The following PIK3R3 variants were observed in gnomAD, a reference collection of about 807,000 sequenced individuals.
The protein encoded by PIK3R3 is phosphatidylinositol 3-kinase regulatory subunit gamma.
PIK3R3 carries 64 observed loss-of-function variants against 62.9 expected under a neutral mutation model. The observed-to-expected ratio is 1.02, with a 90% CI of 0.83 to 1.25. The LOEUF (loss-of-function observed/expected upper bound fraction) is 1.25, where lower values mean the gene tolerates loss of function less well. Ranked by LOEUF, PIK3R3 falls within the 50% of genes most tolerant of loss-of-function variation. The pLI, the probability that PIK3R3 is intolerant of heterozygous loss-of-function variation, is 0.00. For missense variants in PIK3R3, 614 were observed against 561.6 expected (o/e 1.09, Z -0.94); for synonymous variants, 165 against 189.0 (o/e 0.87, Z 1.04).
intron 2 of PIK3R3, among the ~76,000 whole-genome samples, chr1:46,080,383 ACAATTAGTAGAG>A (rs2149413724): frequency 6.6e-6 from 1 of 151,194 alleles, no homozygotes; most frequent in African/African-American, 2.4e-5. Context: ...TCTTTAAATA[ACAATTAGTAGAG>A]CATTACAATG....
the PIK3R3 span, among the ~76,000 whole-genome samples, chr1:46,169,413 A>G: frequency 6.6e-6 from 1 of 152,168 alleles, no homozygotes; most frequent in South Asian, 2.1e-4. Context: ...TTTATTCCCT[A>G]TTCCCTGCAT....
chr1:46,105,113 G>A, intron 1 of PIK3R3: 1 of 721,946 alleles, frequency 1.4e-6, no homozygotes, highest in Non-Finnish European at 2.5e-6. Context: ...AACTCAAATT[G>A]GAATAGAATG....
At chr1:46,094,874 T>C (rs1301508090) in intron 1 of PIK3R3, among the ~76,000 whole-genome samples, 1 of 152,194 alleles carries the variant, frequency 6.6e-6, no homozygotes, top group Non-Finnish European at 1.5e-5. Flanking sequence ...TTACTGACGT[T>C]GAGAGAGAAA....
rs139198905 is a variant in PIK3R3, at chr1:46,101,437, G to A, written c.107-20687C>T. 7.6e-3 allele frequency among the ~76,000 whole-genome samples: 1,151 copies of A among 150,878 alleles called. 17 individuals carry two copies. The highest frequency in any genetic ancestry group is 0.026 in the African/African-American group (1,067 of 41,058). On this transcript the variant is annotated intron_variant, in intron 1 of 9. Coordinates refer to ENST00000262741, the MANE Select transcript of PIK3R3 (RefSeq NM_003629.4). ...AGGAGAATCGCTTGAACCTGGAGGC[G>A]GAGGTTGCAGTGAGCCCAGACCACG...
At chr1:46,101,171 C>CA (rs1171228788) in intron 1 of PIK3R3, among the ~76,000 whole-genome samples, 2,812 of 73,414 alleles carry the variant, frequency 0.038, 52 homozygotes, top group East Asian at 0.076. Flanking sequence ...GACTCCGTCT[C>CA]AAAAAAAAAA....
At chr1:46,142,483 G>A in the PIK3R3 span, among the ~76,000 whole-genome samples, 1 of 152,202 alleles carries the variant, frequency 6.6e-6, no homozygotes, top group Non-Finnish European at 1.5e-5. Flanking sequence ...TGGATCACGA[G>A]GTCAGGAGAT....
At chr1:46,170,221 A>C in the PIK3R3 span, among the ~76,000 whole-genome samples, 2 of 152,252 alleles carry the variant, frequency 1.3e-5, no homozygotes, top group Middle Eastern at 6.8e-3. Context: ...GCTGATGGTA[A>C]CTGCAGTTAT....
chr1:46,117,303 C>T (rs983634079), intron 1 of PIK3R3, among the ~76,000 whole-genome samples: 6 of 151,946 alleles, frequency 3.9e-5, no homozygotes, highest in Admixed American at 6.6e-5. Context: ...TATGGTGGCA[C>T]GCACCTATAG....
At chr1:46,069,518 C>CA (rs75345654) in intron 3 of PIK3R3, among the ~76,000 whole-genome samples, 2,229 of 106,874 alleles carry the variant, frequency 0.021, 31 homozygotes, top group Non-Finnish European at 0.025. Flanking sequence ...GATGCCATCT[C>CA]AAAAAAAAAA....
the PIK3R3 span, among the ~76,000 whole-genome samples, chr1:46,146,727 A>ACACACAC: frequency 2.0e-5 from 2 of 100,560 alleles, no homozygotes; most frequent in Non-Finnish European, 4.6e-5. Context: ...ACACACACAC[A>ACACACAC]CACACACACA....
the PIK3R3 span, among the ~76,000 whole-genome samples, chr1:46,153,846 C>T: frequency 1.3e-5 from 2 of 152,172 alleles, no homozygotes; most frequent in Non-Finnish European, 2.9e-5. Context: ...TGCTGCTTAA[C>T]TAGTGGAATA....
At chr1:46,124,317 G>T (rs1654907383) in intron 1 of PIK3R3, among the ~76,000 whole-genome samples, 1 of 152,120 alleles carries the variant, frequency 6.6e-6, no homozygotes, top group African/African-American at 2.4e-5. Context: ...AGCTAGTTTT[G>T]TAATCTATGT....
chr1:46,162,091 CAAAA>C, the PIK3R3 span, among the ~76,000 whole-genome samples: 4 of 58,120 alleles, frequency 6.9e-5, no homozygotes, highest in Admixed American at 1.9e-4. Context: ...GACTCCGTCT[CAAAA>C]AAAAAAAAAA....
Position 46,043,873 on chromosome 1 carries a change from T to C in PIK3R3, c.1188-2A>G, listed in dbSNP as rs1557545635. On this transcript the variant is annotated splice_acceptor_variant, in intron 9 of 9. Transcript: ENST00000262741. LOFTEE classifies it high-confidence loss of function. ...CAGTGCTTCACTTCCCCATCGGCCC[T>C]GCAATGACAAACCACAGAAGAAATG... is the stretch of plus-strand genomic sequence containing the variant. 6.2e-7 allele frequency: 1 copy of C among 1,611,118 alleles called. No homozygotes were observed. Among genetic ancestry groups the C allele is most frequent in the South Asian group, 1.1e-5 (1 of 90,774 alleles).
At chr1:46,138,241 T>C in the PIK3R3 span, among the ~76,000 whole-genome samples, 1 of 152,226 alleles carries the variant, frequency 6.6e-6, no homozygotes, top group Non-Finnish European at 1.5e-5. Flanking sequence ...AGTTTATGCC[T>C]TCTTTCTGGA....
chr1:46,166,070 G>A, the PIK3R3 span, among the ~76,000 whole-genome samples: 2 of 151,690 alleles, frequency 1.3e-5, no homozygotes, highest in East Asian at 1.9e-4. Flanking sequence ...CACCGTGCCC[G>A]GCCTGTCCTT....
chr1:46,133,364 C>A (rs1032629330), upstream of PIK3R3, among the ~76,000 whole-genome samples: 3 of 152,140 alleles, frequency 2.0e-5, no homozygotes, highest in Non-Finnish European at 2.9e-5. Context: ...CCAGGGAGGA[C>A]CTGCTGGCGT....
intron 3 of PIK3R3, among the ~76,000 whole-genome samples, chr1:46,071,712 A>AAAAAAAAAAAAAAAAAAAT (rs1472807815): frequency 4.1e-5 from 1 of 24,644 alleles, no homozygotes; most frequent in Non-Finnish European, 7.8e-5. Context: ...AAAAAAAAAA[A>AAAAAAAAAAAAAAAAAAAT]ATATATATAT....
the PIK3R3 span, among the ~76,000 whole-genome samples, chr1:46,169,542 T>G: frequency 6.6e-6 from 1 of 152,098 alleles, no homozygotes; most frequent in Non-Finnish European, 1.5e-5. Flanking sequence ...TAAACACAAT[T>G]TTAGACTTCA....
Sources: gnomAD v4.1 joint callset for allele counts (sites outside exome capture counted in the v4.1 genomes callset) on GRCh38, gnomAD v4.1.1 for gene constraint, MANE v1.5 for transcripts, NCBI Gene and HGNC (gene_info 2026-07-23, HGNC 2026-07-21) for gene names.